The following MORC1 variants were observed in gnomAD, a reference collection of about 807,000 sequenced individuals.
The protein encoded by MORC1 is MORC family CW-type zinc finger 1.
A neutral mutation model predicts 134.9 loss-of-function variants in MORC1; 59 were observed. The observed-to-expected ratio is 0.44, with a 90% confidence interval of 0.35 to 0.54. The LOEUF is 0.54. Ranked by LOEUF, MORC1 falls within the 20% of genes least tolerant of loss-of-function variation. The pLI, the probability that MORC1 is intolerant of heterozygous loss-of-function variation, is 0.00. For missense variants in MORC1, 947 were observed against 1,134.5 expected (o/e 0.83, Z 2.37); for synonymous variants, 395 against 391.7 (o/e 1.01, Z -0.10).
intron 23 of MORC1, among the ~76,000 whole-genome samples, chr3:108,984,030 T>C (rs1947829176): frequency 1.3e-5 from 2 of 151,724 alleles, no homozygotes; most frequent in South Asian, 4.2e-4. Flanking sequence ...AGTGGAAGAG[T>C]GAAGTGATGA....
intron 21 of MORC1, among the ~76,000 whole-genome samples, chr3:108,989,893 C>G (rs571929509): frequency 6.6e-6 from 1 of 152,238 alleles, no homozygotes; most frequent in African/African-American, 2.4e-5. Context: ...TGTCCCCACC[C>G]AAATCTCATC....
rs1949702462 is a variant in MORC1, at chr3:109,046,633, C to G, written c.1330+8095G>C. Among the ~76,000 whole-genome samples the G allele has an allele frequency of 2.6e-5, 4 of 152,188 alleles. No individual in the cohort carries two copies. In the South Asian group the frequency reaches 6.2e-4, roughly 24 times the overall value. Reference sequence around the variant, plus strand: ...ACTAATGCTCCTAAAAGCCTAAAGACCCATATTTGATTTTTATTAATACAA... The same window carrying G: ...ACTAATGCTCCTAAAAGCCTAAAGAGCCATATTTGATTTTTATTAATACAA... On this transcript the variant is annotated intron_variant, in intron 14 of 27. Coordinates refer to ENST00000232603, the MANE Select transcript of MORC1 (RefSeq NM_014429.4).
chr3:109,096,446 A>G (rs987110324), intron 6 of MORC1, among the ~76,000 whole-genome samples: 3 of 152,162 alleles, frequency 2.0e-5, no homozygotes, highest in Admixed American at 2.0e-4. Context: ...CTCACTGCTC[A>G]TTATATGCTA....
intron 22 of MORC1, among the ~76,000 whole-genome samples, chr3:108,985,622 T>G (rs1947875410): frequency 6.6e-6 from 1 of 152,204 alleles, no homozygotes; most frequent in African/African-American, 2.4e-5. Context: ...TTTTACTCAC[T>G]GACTTGCAAT....
intron 21 of MORC1, among the ~76,000 whole-genome samples, chr3:108,994,657 A>G (rs1948150327): frequency 6.6e-6 from 1 of 151,994 alleles, no homozygotes. Context: ...CTCCAAGATG[A>G]AAAAAAGGCA....
Position 109,063,151 on chromosome 3 carries a change from C to G in MORC1, c.895+1G>C. 1 of 1,587,708 alleles carries G rather than the reference C, an allele frequency of 6.3e-7. No individual in the cohort carries two copies. Among genetic ancestry groups the G allele is most frequent in the Non-Finnish European group, 8.6e-7 (1 of 1,158,260 alleles). On this transcript the variant is annotated splice_donor_variant, in intron 10 of 27. Transcript: ENST00000232603. LOFTEE classifies it high-confidence loss of function. The stretch of plus-strand genomic sequence containing the variant: ...GATGTAGGCTACAGGTAATCGCATA[C>G]CAATCTTTACTGCTTCTTCTGCCTT...
chr3:109,048,720 G>GTCC (rs1949751984), intron 14 of MORC1, among the ~76,000 whole-genome samples: 1 of 152,006 alleles, frequency 6.6e-6, no homozygotes, highest in Non-Finnish European at 1.5e-5. Flanking sequence ...TTCTCCCTGT[G>GTCC]TCCTCACATG....
intron 11 of MORC1, among the ~76,000 whole-genome samples, chr3:109,060,626 G>A (rs1950058545): frequency 6.6e-6 from 1 of 152,046 alleles, no homozygotes; most frequent in East Asian, 1.9e-4. Context: ...AGTGGAAAAT[G>A]GTTGGCAAGT....
At chr3:108,961,842 C>A (rs1272977690) in intron 27 of MORC1, among the ~76,000 whole-genome samples, 1 of 152,164 alleles carries the variant, frequency 6.6e-6, no homozygotes, top group East Asian at 1.9e-4. Context: ...TTTTTCTTAG[C>A]CTAACGTGGA....
intron 21 of MORC1, among the ~76,000 whole-genome samples, chr3:108,996,879 G>A (rs191203341): frequency 9.6e-4 from 146 of 151,848 alleles, no homozygotes; most frequent in Middle Eastern, 3.4e-3. Flanking sequence ...GCATGGTGGC[G>A]GGTGCCTGTA....
chr3:108,995,899 T>C (rs1948189695), intron 21 of MORC1, among the ~76,000 whole-genome samples: 1 of 152,124 alleles, frequency 6.6e-6, no homozygotes, highest in Non-Finnish European at 1.5e-5. Context: ...TCGGTGGACC[T>C]TGAAACTCTC....
At chr3:108,985,767 T>G (rs759545724) in intron 22 of MORC1, among the ~76,000 whole-genome samples, 1 of 152,212 alleles carries the variant, frequency 6.6e-6, no homozygotes, top group South Asian at 2.1e-4. Context: ...AAAATTGTAT[T>G]AGCAATTTTT....
intron 9 of MORC1, 41 bp from the exon 10 acceptor site, chr3:109,063,272 A>G (rs771767601): frequency 7.9e-7 from 1 of 1,263,160 alleles, no homozygotes; most frequent in Non-Finnish European, 1.1e-6. Context: ...TCAGATTATC[A>G]TTTTAAAATA....
At chr3:109,116,889 T>C (rs1951285909) in intron 1 of MORC1, among the ~76,000 whole-genome samples, 1 of 152,120 alleles carries the variant, frequency 6.6e-6, no homozygotes, top group African/African-American at 2.4e-5. Context: ...CACCACCAGT[T>C]GAAAATGGTA....
intron 14 of MORC1, among the ~76,000 whole-genome samples, chr3:109,040,522 C>G (rs28878571): frequency 2.7e-5 from 4 of 147,754 alleles, no homozygotes; most frequent in Non-Finnish European, 6.0e-5. Context: ...AAGAAAGAAA[C>G]AAAGAAATAA....
At chr3:109,015,828 A>T (rs1336988604) in intron 17 of MORC1, among the ~76,000 whole-genome samples, 1 of 152,172 alleles carries the variant, frequency 6.6e-6, no homozygotes, top group Non-Finnish European at 1.5e-5. Context: ...CCATCTTTGC[A>T]GAAATTCCAA....
Position 109,087,330 on chromosome 3 carries a change from T to C in MORC1, c.689+6106A>G, listed in dbSNP as rs151278153. Among the ~76,000 whole-genome samples, 482 of 152,218 alleles carry C rather than the reference T, an allele frequency of 3.2e-3. 9 individuals are homozygous for C. The highest frequency in any genetic ancestry group is 0.01 in the African/African-American group (422 of 41,496). ...ATGACTCTATATCTAGAAAACCCCA[T>C]AGTCTCAGCCCAAAAGCTCCTTCGG... On this transcript the variant is annotated intron_variant, in intron 8 of 27. Transcript: ENST00000232603.
At chr3:109,016,520 C>A (rs960045714) in intron 17 of MORC1, among the ~76,000 whole-genome samples, 1 of 152,120 alleles carries the variant, frequency 6.6e-6, no homozygotes, top group Middle Eastern at 3.2e-3. Context: ...AACCCTGCAC[C>A]GGGGTCCTCA....
intron 21 of MORC1, among the ~76,000 whole-genome samples, chr3:108,990,509 G>C (rs921619818): frequency 6.6e-6 from 1 of 152,036 alleles, no homozygotes; most frequent in African/African-American, 2.4e-5. Context: ...GGCCATCTGC[G>C]GTCACTCTAC....
Sources: allele counts gnomAD v4.1 joint callset (sites outside exome capture counted in the v4.1 genomes callset), GRCh38; gene constraint gnomAD v4.1.1; transcripts MANE v1.5; gene names NCBI Gene and HGNC (gene_info 2026-07-23, HGNC 2026-07-21).